Variants in BICC1 observed in about 807,000 individuals in gnomAD.
The protein encoded by BICC1 is protein bicaudal C homolog 1.
In BICC1, 43 loss-of-function variants were observed where a neutral mutation model predicts 111.0. The ratio of observed to expected loss-of-function variants is 0.39; its 90% CI spans 0.30 to 0.50. The LOEUF is 0.50. Among genes scored for constraint, BICC1 ranks in the 20% least tolerant of loss-of-function variants. BICC1 has a pLI of 0.88. For synonymous variants in BICC1, 467 were observed against 434.4 expected (o/e 1.07, Z -0.93); for missense variants, 1,091 against 1,203.2 (o/e 0.91, Z 1.38).
intron 1 of BICC1, among the ~76,000 whole-genome samples, chr10:58,576,600 A>G (rs992096663): frequency 3.3e-5 from 5 of 152,172 alleles, no homozygotes; most frequent in Admixed American, 3.3e-4. Flanking sequence ...TTCAGTTTAA[A>G]CTAGAGAATT....
intron 2 of BICC1, 115 bp downstream of exon 2, chr10:58,621,016 AT>A: frequency 2.5e-6 from 2 of 805,838 alleles, no homozygotes; most frequent in Non-Finnish European, 3.9e-6. Context: ...ACAGGTTTCT[AT>A]ACGGGAGCTG....
In BICC1 at chr10:58,755,982, T is replaced by A. The variant is rs117837430; in HGVS notation, c.308-29019T>A. 8.0e-3 allele frequency among the ~76,000 whole-genome samples: 1,224 copies of A among 152,332 alleles called. 4 individuals carry two copies. The highest frequency in any genetic ancestry group is 0.027 in the Middle Eastern group (8 of 294). ...TTCTATGTCTGTTTTCACCCATCTTTGCTTTTCCCATTTTCCTCTGGATTT... is the reference window on the plus strand; with the variant it reads ...TTCTATGTCTGTTTTCACCCATCTTAGCTTTTCCCATTTTCCTCTGGATTT... On this transcript the variant is annotated intron_variant, in intron 3 of 20. Transcript: ENST00000373886.
chr10:58,801,156 G>T, intron 14 of BICC1, 110 bp downstream of exon 14: 1 of 967,014 alleles, frequency 1.0e-6, no homozygotes, highest in Non-Finnish European at 1.4e-6. Context: ...TCTCATCCAT[G>T]GGTGTTTTCA....
At chr10:58,742,101 T>C (rs1378393522) in intron 3 of BICC1, among the ~76,000 whole-genome samples, 1 of 152,220 alleles carries the variant, frequency 6.6e-6, no homozygotes, top group East Asian at 1.9e-4. Context: ...TGTTCAATTT[T>C]ATTATGACTT....
chr10:58,546,497 A>G lies in BICC1; in HGVS notation c.190+33164A>G, dbSNP rs116880863. ...GAAAAATATTTATGGGCCAAGTAAA[A>G]TACCACCTGTTTTCAGCCTCTAGTG... is the stretch of plus-strand genomic sequence containing the variant. On this transcript the variant is annotated intron_variant, in intron 1 of 20. Coordinates refer to ENST00000373886, the MANE Select transcript of BICC1 (RefSeq NM_001080512.3). Among the ~76,000 whole-genome samples, 65 of 152,290 alleles carry G rather than the reference A, an allele frequency of 4.3e-4. 1 individual carries two copies. The East Asian group carries it at 0.012, about 28-fold the overall frequency.
chr10:58,828,305 C>A (rs1240018409), intron 20 of BICC1, among the ~76,000 whole-genome samples: 2 of 152,102 alleles, frequency 1.3e-5, no homozygotes, highest in South Asian at 2.1e-4. Flanking sequence ...AAATGATTGC[C>A]ATGTTTGACA....
intron 3 of BICC1, among the ~76,000 whole-genome samples, chr10:58,782,122 G>A (rs941051770): frequency 5.3e-5 from 8 of 152,196 alleles, no homozygotes; most frequent in African/African-American, 1.7e-4. Context: ...CTGTTGAGGC[G>A]TTTGCTTTTT....
At chr10:58,707,711 A>ATTC (rs1840430083) in intron 3 of BICC1, among the ~76,000 whole-genome samples, 1 of 151,140 alleles carries the variant, frequency 6.6e-6, no homozygotes, top group Non-Finnish European at 1.5e-5. Context: ...TATTATTATT[A>ATTC]TTTGAGATGG....
chr10:58,800,239 G>A lies in BICC1; in HGVS notation c.1771G>A (p.Glu591Lys). The change falls in exon 13 of 21, where the codon GAA becomes AAA. Residue 591 changes from glutamate to lysine, a missense_variant. Glu to Lys is a moderately conservative substitution (Grantham distance 56, BLOSUM62 1). Coordinates refer to ENST00000373886, the MANE Select transcript of BICC1 (RefSeq NM_001080512.3). ...TGCAATATCCACTTCATCACTTGGAGAAAAAGTGCTGAGTGCAAATCACGG... is the reference window on the plus strand; with the variant it reads ...TGCAATATCCACTTCATCACTTGGAAAAAAAGTGCTGAGTGCAAATCACGG... ...YGAISTSSLGEKVLSANHGDP... is the reference protein window; with the variant it reads ...YGAISTSSLGKKVLSANHGDP... 3 of 1,610,722 alleles carry A rather than the reference G, an allele frequency of 1.9e-6. No individual in the cohort carries two copies. The highest frequency in any genetic ancestry group is 2.5e-6 in the Non-Finnish European group (3 of 1,177,188).
At chr10:58,817,239 A>G (rs1838566663) in intron 18 of BICC1, among the ~76,000 whole-genome samples, 1 of 152,112 alleles carries the variant, frequency 6.6e-6, no homozygotes, top group South Asian at 2.1e-4. Context: ...CATTTAATTC[A>G]CATCCAATCA....
chr10:58,733,877 C>T lies in BICC1; in HGVS notation c.307+31734C>T, dbSNP rs1368966315. 2.6e-5 allele frequency among the ~76,000 whole-genome samples: 4 copies of T among 152,162 alleles called. No individual in the cohort carries two copies. The East Asian group carries it at 5.8e-4, about 22-fold the overall frequency. ...CTTGATGCAGAACTATGAATGTTGT[C>T]CTGGGTCAGCCAGTTACTAGTTGTA... On this transcript the variant is annotated intron_variant, in intron 3 of 20. Coordinates refer to ENST00000373886, the MANE Select transcript of BICC1 (RefSeq NM_001080512.3).
At chr10:58,580,968 T>C (rs1223070103) in intron 1 of BICC1, among the ~76,000 whole-genome samples, 1 of 152,194 alleles carries the variant, frequency 6.6e-6, no homozygotes, top group Non-Finnish European at 1.5e-5. Context: ...GAAAAGGTTT[T>C]AATCAGGGAA....
chr10:58,526,752 T>C (rs1002712755), intron 1 of BICC1, among the ~76,000 whole-genome samples: 1 of 152,242 alleles, frequency 6.6e-6, no homozygotes, highest in Admixed American at 6.5e-5. Flanking sequence ...ACCAAGGACA[T>C]GAACTCATCC....
At chr10:58,542,973 A>T (rs528914127) in intron 1 of BICC1, among the ~76,000 whole-genome samples, 1 of 152,248 alleles carries the variant, frequency 6.6e-6, no homozygotes, top group African/African-American at 2.4e-5. Context: ...TCCTCAAAAA[A>T]TTAAAACCAA....
chr10:58,619,028 A>G (rs916059251), intron 1 of BICC1, among the ~76,000 whole-genome samples: 1 of 151,898 alleles, frequency 6.6e-6, no homozygotes, highest in African/African-American at 2.4e-5. Flanking sequence ...TTGTGCTTCC[A>G]TTGTTACATC....
intron 20 of BICC1, among the ~76,000 whole-genome samples, chr10:58,828,152 A>G (rs1020923153): frequency 2.6e-5 from 4 of 152,150 alleles, no homozygotes; most frequent in African/African-American, 9.7e-5. Context: ...TTATACATGG[A>G]TTTTTGACTA....
chr10:58,559,364 G>A (rs1333009875), intron 1 of BICC1, among the ~76,000 whole-genome samples: 4 of 151,156 alleles, frequency 2.6e-5, no homozygotes, highest in Non-Finnish European at 5.9e-5. Context: ...AGTAGATATT[G>A]TAAATGAGAT....
At chr10:58,572,944 T>C (rs150135012) in intron 1 of BICC1, among the ~76,000 whole-genome samples, 153 of 152,338 alleles carry the variant, frequency 1.0e-3, no homozygotes, top group African/African-American at 3.6e-3. Flanking sequence ...TATGTTGTTA[T>C]GTGATATTCT....
intron 3 of BICC1, among the ~76,000 whole-genome samples, chr10:58,745,040 T>C (rs1480758331): frequency 6.6e-6 from 1 of 152,174 alleles, no homozygotes; most frequent in Non-Finnish European, 1.5e-5. Context: ...ATGACCCTGT[T>C]CTGCTACATT....
Sources: allele counts gnomAD v4.1 joint callset (sites outside exome capture counted in the v4.1 genomes callset), GRCh38; gene constraint gnomAD v4.1.1; transcripts MANE v1.5; gene names NCBI Gene and HGNC (gene_info 2026-07-23, HGNC 2026-07-21).